The following RFTN2 variants were observed in gnomAD, a reference collection of about 807,000 sequenced individuals.
RFTN2 encodes the protein raftlin-2.
In RFTN2, 34 loss-of-function variants were observed where a neutral mutation model predicts 52.7. The observed-to-expected ratio is 0.64, with a 90% confidence interval of 0.49 to 0.86. The LOEUF (loss-of-function observed/expected upper bound fraction) is 0.86, where lower values mean the gene tolerates loss of function less well. Ranked by LOEUF, RFTN2 falls within the 40% of genes least tolerant of loss-of-function variation. The pLI is 0.00. For missense variants in RFTN2, 536 were observed against 600.1 expected, an observed-to-expected ratio of 0.89 and a Z score of 1.12; for synonymous variants, 203 against 217.7, an observed-to-expected ratio of 0.93 and a Z score of 0.59.
At chr2:197,573,595 AC>A (rs1372347581) in intron 8 of RFTN2, among the ~76,000 whole-genome samples, 6 of 152,212 alleles carry the variant, frequency 3.9e-5, no homozygotes, top group Non-Finnish European at 8.8e-5. Flanking sequence ...GAAAAGAAAA[AC>A]CAATTTTCTG....
At chr2:197,634,982 C>T (rs1266812652) in intron 3 of RFTN2, among the ~76,000 whole-genome samples, 6 of 110,954 alleles carry the variant, frequency 5.4e-5, no homozygotes, top group African/African-American at 2.1e-4. Flanking sequence ...TGAGAATATG[C>T]GGTGTTTCGT....
intron 7 of RFTN2, among the ~76,000 whole-genome samples, chr2:197,614,091 T>C (rs1214937065): frequency 6.6e-6 from 1 of 152,220 alleles, no homozygotes; most frequent in African/African-American, 2.4e-5. Flanking sequence ...GTTACTGTAT[T>C]ATATTACACA....
At position 197,633,941 on chromosome 2, in the gene RFTN2, A is replaced by G. The variant is rs764928317; in HGVS notation, c.495T>C (p.Tyr165=). 2 of 1,613,474 alleles carry G rather than the reference A, an allele frequency of 1.2e-6. No individual in the cohort carries two copies. Among genetic ancestry groups the G allele is most frequent in the Admixed American group, 1.7e-5 (1 of 59,996 alleles). ...MKFVGFISQH[Y]SPSKFCNGTN... is the part of the protein sequence containing the mutation. ...TTCCATTGCAGAATTTAGATGGAGA[A>G]TAATGCTGTGATATGAATCCAACAA... is the stretch of plus-strand genomic sequence containing the variant. Residue 165 remains tyrosine (Y), a synonymous_variant, in exon 4 of 9, where the codon TAT becomes TAC. Coordinates refer to ENST00000295049, the MANE Select transcript of RFTN2 (RefSeq NM_144629.3).
intron 1 of RFTN2, among the ~76,000 whole-genome samples, chr2:197,664,431 G>A (rs1559368499): frequency 6.6e-6 from 1 of 151,156 alleles, no homozygotes; most frequent in South Asian, 2.1e-4. Context: ...ATTCATGATT[G>A]TGCCACTGTA....
chr2:197,618,774 C>T lies in RFTN2; in HGVS notation c.929-853G>A, dbSNP rs1415341738. ...GATGTGAGGAGCGTCTCTGCCCGGA[C>T]GCCCCGTCTGAGAAGTGAGGAGACC... On this transcript the variant is annotated intron_variant, in intron 5 of 8. Coordinates refer to ENST00000295049, the MANE Select transcript of RFTN2 (RefSeq NM_144629.3). Among the ~76,000 whole-genome samples the T allele has an allele frequency of 5.4e-4, 82 of 151,338 alleles. 2 individuals carry two copies. The South Asian group carries it at 8.1e-3, about 15-fold the overall frequency.
chr2:197,613,260 T>G (rs2088092768), intron 7 of RFTN2, among the ~76,000 whole-genome samples: 1 of 152,234 alleles, frequency 6.6e-6, no homozygotes, highest in Non-Finnish European at 1.5e-5. Flanking sequence ...CCCTAATTCA[T>G]TAGCTTAATA....
chr2:197,587,949 G>A (rs2087628085), intron 8 of RFTN2: 1 of 468,882 alleles, frequency 2.1e-6, no homozygotes, highest in African/African-American at 2.0e-5. Context: ...ATTTGTCCAA[G>A]GTCATGAATA....
At chr2:197,606,567 C>T (rs1047132783) in intron 7 of RFTN2, among the ~76,000 whole-genome samples, 2 of 151,866 alleles carry the variant, frequency 1.3e-5, no homozygotes, top group East Asian at 1.9e-4. Flanking sequence ...AGAAAATTTT[C>T]GCAACCTACT....
chr2:197,637,482 T>G (rs959636089), intron 3 of RFTN2, among the ~76,000 whole-genome samples: 1 of 152,200 alleles, frequency 6.6e-6, no homozygotes, highest in African/African-American at 2.4e-5. Context: ...AGTGTATGTG[T>G]TGAGGAATTT....
intron 3 of RFTN2, among the ~76,000 whole-genome samples, chr2:197,639,235 G>A (rs878954909): frequency 0.01 from 1,204 of 119,120 alleles, 15 homozygotes; most frequent in Middle Eastern, 0.024. Flanking sequence ...TGCTCTTCTC[G>A]AGGAGTATCT....
intron 8 of RFTN2, among the ~76,000 whole-genome samples, chr2:197,592,122 A>G (rs989936373): frequency 6.6e-6 from 1 of 152,240 alleles, no homozygotes; most frequent in Non-Finnish European, 1.5e-5. Context: ...TCACCTCTCA[A>G]TAACAGTACT....
chr2:197,595,600 T>G (rs757254422), intron 8 of RFTN2, among the ~76,000 whole-genome samples: 1 of 152,226 alleles, frequency 6.6e-6, no homozygotes, highest in African/African-American at 2.4e-5. Context: ...TAGTAAGGTT[T>G]GTTTTTGCAG....
intron 3 of RFTN2, 61 bp downstream of exon 3, chr2:197,644,097 G>C: frequency 1.1e-6 from 1 of 944,958 alleles, no homozygotes; most frequent in East Asian, 2.4e-5. Context: ...AAAGGGAATT[G>C]ATGAAGATGA....
intron 1 of RFTN2, among the ~76,000 whole-genome samples, chr2:197,668,283 A>C (rs1368934606): frequency 6.6e-6 from 1 of 152,120 alleles, no homozygotes. Context: ...GGCTGTCCTC[A>C]GTCCTCTGAT....
At chr2:197,669,612 A>G (rs752417186) in intron 1 of RFTN2, among the ~76,000 whole-genome samples, 2 of 152,176 alleles carry the variant, frequency 1.3e-5, no homozygotes, top group Non-Finnish European at 2.9e-5. Context: ...TCTCATAAGA[A>G]GTTTGCAACC....
chr2:197,664,955 G>T (rs539887597), intron 1 of RFTN2, among the ~76,000 whole-genome samples: 2 of 152,232 alleles, frequency 1.3e-5, no homozygotes, highest in South Asian at 4.1e-4. Flanking sequence ...CTTTCATTGG[G>T]TACTCATGGA....
chr2:197,657,500 C>T (rs1196123201), intron 1 of RFTN2, among the ~76,000 whole-genome samples: 1 of 152,172 alleles, frequency 6.6e-6, no homozygotes, highest in Non-Finnish European at 1.5e-5. Context: ...ATGAAAATTC[C>T]TCACTCTATA....
intron 5 of RFTN2, among the ~76,000 whole-genome samples, chr2:197,619,421 T>A (rs1458124671): frequency 1.3e-5 from 2 of 152,208 alleles, no homozygotes; most frequent in Non-Finnish European, 2.9e-5. Context: ...TGCCTTGGGA[T>A]CCTGTTGATT....
intron 7 of RFTN2, among the ~76,000 whole-genome samples, chr2:197,612,852 AGTATGGCTTAGGT>A (rs2088085298): frequency 6.6e-6 from 1 of 152,356 alleles, no homozygotes; most frequent in South Asian, 2.1e-4. Context: ...AGGCCATTCA[AGTATGGCTTAGGT>A]GACAGAAGAG....
Sources: allele counts gnomAD v4.1 joint callset (sites outside exome capture counted in the v4.1 genomes callset), GRCh38; gene constraint gnomAD v4.1.1; transcripts MANE v1.5; gene names NCBI Gene and HGNC (gene_info 2026-07-23, HGNC 2026-07-21).